Variants in DAB2IP observed in about 807,000 individuals in gnomAD.
DAB2IP encodes DAB2 interacting protein.
In DAB2IP, 28 loss-of-function variants were observed where a neutral mutation model predicts 107.2. The observed-to-expected ratio is 0.26, with a 90% CI of 0.19 to 0.36. The LOEUF is 0.36. Among genes scored for constraint, DAB2IP ranks in the 10% least tolerant of loss-of-function variants. DAB2IP has a pLI of 1.00. For synonymous variants in DAB2IP, 755 were observed against 706.4 expected, an observed-to-expected ratio of 1.07 and a Z score of -1.09; for missense variants, 1,400 against 1,644.7, an observed-to-expected ratio of 0.85 and a Z score of 2.57.
At chr9:121,771,477 A>T (rs542945640) in intron 11 of DAB2IP, among the ~76,000 whole-genome samples, 1 of 152,068 alleles carries the variant, frequency 6.6e-6, no homozygotes, top group Non-Finnish European at 1.5e-5. Context: ...GGGTGCTGAG[A>T]TCAAGAACCT....
At chr9:121,737,081 G>A (rs931413210) in intron 3 of DAB2IP, 33 of 681,882 alleles carry the variant, frequency 4.8e-5, no homozygotes, top group Admixed American at 1.9e-4. Flanking sequence ...AAGGCCCAGA[G>A]GCGGGGCTTG....
chr9:121,623,259 G>C (rs1259293138), intron 1 of DAB2IP, among the ~76,000 whole-genome samples: 1 of 152,202 alleles, frequency 6.6e-6, no homozygotes, highest in African/African-American at 2.4e-5. Flanking sequence ...GGGTGGTGCA[G>C]GGCCAGTGGG....
chr9:121,620,486 T>C (rs1343826751), intron 1 of DAB2IP, among the ~76,000 whole-genome samples: 1 of 152,224 alleles, frequency 6.6e-6, no homozygotes, highest in Non-Finnish European at 1.5e-5. Context: ...TTCCCATCTG[T>C]AAAATGGGAT....
At chr9:121,640,288 C>T (rs1380518828) in intron 1 of DAB2IP, among the ~76,000 whole-genome samples, 2 of 152,056 alleles carry the variant, frequency 1.3e-5, no homozygotes, top group African/African-American at 4.8e-5. Context: ...CTAGAAAGAG[C>T]TCACTGTTCC....
At chr9:121,743,001 G>A (rs764900572) in intron 3 of DAB2IP, 24 of 985,276 alleles carry the variant, frequency 2.4e-5, no homozygotes, top group Non-Finnish European at 2.8e-5. Flanking sequence ...TGGGGCCTGT[G>A]GTCCAGGTGG....
At position 121,699,428 on chromosome 9, in the gene DAB2IP, G is replaced by GCGCCGCCGC. The variant is rs769541616; in HGVS notation, c.342_350dup (p.Ala115_Ala117dup). 3 of 1,456,376 alleles carry GCGCCGCCGC rather than the reference G, an allele frequency of 2.1e-6. No homozygotes were observed. Among genetic ancestry groups the GCGCCGCCGC allele is most frequent in the Non-Finnish European group, 2.7e-6 (3 of 1,093,594 alleles). 90.2% of individuals were successfully genotyped at this position (1,456,376 alleles called of 1,614,324 possible). A position where few individuals can be genotyped will look rare whatever the true frequency, so the allele number is the denominator to read the frequency against. On this transcript the variant is annotated inframe_insertion, in exon 3 of 16. Coordinates refer to ENST00000408936, the Ensembl canonical transcript of DAB2IP. This position sits in a 1 kb window ranked among gnomAD's most constrained non-coding sequence, Gnocchi z 6.2. ...CGCCACATCCTGCCGGGGTTCCGGA[G>GCGCCGCCGC]CGCCGCCGCCGCCGCCGCGGACAAT...
At chr9:121,687,363 G>T (rs1369062732) in intron 2 of DAB2IP, among the ~76,000 whole-genome samples, 1 of 152,220 alleles carries the variant, frequency 6.6e-6, no homozygotes, top group African/African-American at 2.4e-5. Flanking sequence ...TCCACCAAGA[G>T]AAAGGGCACA....
At chr9:121,673,948 G>A (rs1446509241) in intron 1 of DAB2IP, among the ~76,000 whole-genome samples, 5 of 152,350 alleles carry the variant, frequency 3.3e-5, no homozygotes, top group African/African-American at 9.6e-5. Context: ...AGGGTCTGGA[G>A]AAAAGCAGGT....
rs1056981499 is a variant in DAB2IP, at chr9:121,701,046, A to G, written c.362+1588A>G. ...CCTGCCTTCGGCTGTCTTCCCCAGG[A>G]ACATGCCCTTCTCCGCGCTTTCCTT... On this transcript the variant is annotated intron_variant, in intron 3 of 15. Coordinates refer to ENST00000408936, the Ensembl canonical transcript of DAB2IP. This position sits in a 1 kb window ranked among gnomAD's most constrained non-coding sequence, Gnocchi z 4.7. Among the ~76,000 whole-genome samples the G allele has an allele frequency of 1.3e-5, 2 of 152,174 alleles. No individual in the cohort carries two copies. Among genetic ancestry groups the G allele is most frequent in the Non-Finnish European group, 2.9e-5 (2 of 68,016 alleles).
chr9:121,626,367 A>G (rs1831645999), intron 1 of DAB2IP, among the ~76,000 whole-genome samples: 1 of 150,646 alleles, frequency 6.6e-6, no homozygotes, highest in African/African-American at 2.5e-5. Flanking sequence ...GTAAAAATGA[A>G]GATGTGAGGC....
chr9:121,720,238 G>C (rs575939378), intron 3 of DAB2IP, among the ~76,000 whole-genome samples: 1 of 152,298 alleles, frequency 6.6e-6, no homozygotes, highest in South Asian at 2.1e-4. Flanking sequence ...GCAGTTGTCT[G>C]TGTGCCTCAT....
intron 1 of DAB2IP, among the ~76,000 whole-genome samples, chr9:121,655,603 G>A (rs1394878133): frequency 1.3e-5 from 2 of 152,142 alleles, no homozygotes; most frequent in Non-Finnish European, 2.9e-5. Flanking sequence ...GGGAGGCAGG[G>A]GCTGTAGTTC....
chr9:121,776,090 G>A lies in DAB2IP; in HGVS notation c.3121-108G>A, dbSNP rs2119024260. The A allele has an allele frequency of 7.6e-7, 1 of 1,313,828 alleles. No individual in the cohort carries two copies. Among genetic ancestry groups the A allele is most frequent in the East Asian group, 2.5e-5 (1 of 39,312 alleles). The allele number at this position is 1,313,828 out of a possible 1,614,324, so 81.4% of individuals were successfully genotyped here. On this transcript the variant is annotated intron_variant, in intron 13 of 15. Coordinates refer to ENST00000408936, the Ensembl canonical transcript of DAB2IP. The surrounding 1 kb of genome is among the most constrained non-coding windows in gnomAD (Gnocchi z 5.4). ...GTGAAGTGGGCGGGTCACAGCCACT[G>A]GGGCCTTTCAAGTGGGGCTCCCTCC...
At position 121,619,646 on chromosome 9, in the gene DAB2IP, G is replaced by T. The variant is rs145554732; in HGVS notation, c.40+52418G>T. Among the ~76,000 whole-genome samples the T allele has an allele frequency of 2.9e-3, 445 of 152,324 alleles. 1 individual carries two copies. The highest frequency in any genetic ancestry group is 0.01 in the African/African-American group (423 of 41,570). ...AGGTAGCTCTTAAGATTTTTTCCTA[G>T]TTGGGACTTGGTAAGAATTGCAAAT... is the stretch of plus-strand genomic sequence containing the variant. On this transcript the variant is annotated intron_variant, in intron 1 of 16. Transcript: ENST00000259371.
intron 2 of DAB2IP, among the ~76,000 whole-genome samples, chr9:121,683,816 G>A (rs1828719126): frequency 6.6e-6 from 1 of 152,230 alleles, no homozygotes; most frequent in African/African-American, 2.4e-5. Context: ...GCTTTGAGGA[G>A]TGTATAGGAG....
chr9:121,687,383 G>A (rs1828935487), intron 2 of DAB2IP, among the ~76,000 whole-genome samples: 1 of 152,182 alleles, frequency 6.6e-6, no homozygotes, highest in African/African-American at 2.4e-5. Flanking sequence ...AGGGTGAGGT[G>A]GACCAGCATG....
Position 121,773,389 on chromosome 9 carries a change from C to T in DAB2IP, c.2861C>T (p.Ala954Val), listed in dbSNP as rs1208946491. Reference sequence around the variant, plus strand: ...CCAAGACCCTCAAGCGGAACCCTGGCGTCGGCCTCACCTGATTGGGTGGGC... The same window carrying T: ...CCAAGACCCTCAAGCGGAACCCTGGTGTCGGCCTCACCTGATTGGGTGGGC... Residue 954 changes from alanine (A) to valine (V), a missense_variant, in exon 12 of 16, where the codon GCG becomes GTG. This residue lies in a region of DAB2IP where 600 missense variants were observed against 659.1 expected (regional missense o/e 0.91). Transcript: ENST00000408936. The T allele has an allele frequency of 4.4e-6, 7 of 1,596,254 alleles. No individual in the cohort carries two copies. Among genetic ancestry groups the T allele is most frequent in the Non-Finnish European group, 6.0e-6 (7 of 1,172,428 alleles).
At chr9:121,758,837 T>A in intron 4 of DAB2IP, 61 bp from the exon 5 acceptor site, 1 of 1,498,382 alleles carries the variant, frequency 6.7e-7, no homozygotes. Context: ...TCTTCTTCCA[T>A]CACTGCCTGC....
rs1033785786 is a variant in DAB2IP, at chr9:121,764,448, C to T, written c.1460+569C>T. On this transcript the variant is annotated intron_variant, in intron 8 of 15. Coordinates refer to ENST00000408936, the Ensembl canonical transcript of DAB2IP. ...GCTTAGACAGGCCCCTCAGCAGGACCGGAATCAGTCCCGGAGAAACTTGCG... is the reference window on the plus strand; with the variant it reads ...GCTTAGACAGGCCCCTCAGCAGGACTGGAATCAGTCCCGGAGAAACTTGCG... Among the ~76,000 whole-genome samples, 13 of 152,362 alleles carry T rather than the reference C, an allele frequency of 8.5e-5. No individual in the cohort carries two copies. In the East Asian group the frequency reaches 1.7e-3, roughly 20 times the overall value.
Sources: gnomAD v4.1 joint callset for allele counts (sites outside exome capture counted in the v4.1 genomes callset) on GRCh38, gnomAD v4.1.1 for gene constraint, gnomAD v4.1.1 regional missense constraint, Gnocchi (gnomAD v3.1) non-coding constraint, MANE v1.5 for transcripts, NCBI Gene and HGNC (gene_info 2026-07-23, HGNC 2026-07-21) for gene names.